The following NAV3 variants were observed in gnomAD, a reference collection of about 807,000 sequenced individuals.
NAV3 encodes pore membrane and/or filament interacting like protein 1.
NAV3 carries 87 observed loss-of-function variants against 244.7 expected under a neutral mutation model. The observed-to-expected ratio is 0.36, with a 90% CI of 0.30 to 0.42. The LOEUF (loss-of-function observed/expected upper bound fraction) is 0.42. Among genes scored for constraint, NAV3 ranks in the 20% least tolerant of loss-of-function variants. NAV3 has a pLI of 1.00. For synonymous variants in NAV3, 1,126 were observed against 1,042.2 expected (o/e 1.08, Z -1.55); for missense variants, 2,663 against 2,893.3 (o/e 0.92, Z 1.83).
chr12:77,712,320 A>G (rs769316280), intron 2 of NAV3, among the ~76,000 whole-genome samples: 2 of 152,120 alleles, frequency 1.3e-5, no homozygotes, highest in Non-Finnish European at 2.9e-5. Flanking sequence ...TATTTATTGT[A>G]TATTATTTTT....
intron 1 of NAV3, among the ~76,000 whole-genome samples, chr12:77,853,758 G>C (rs1877918508): frequency 6.6e-6 from 1 of 152,136 alleles, no homozygotes; most frequent in South Asian, 2.1e-4. Context: ...TTTATAGTCA[G>C]TTTGGCAGAC....
chr12:78,032,208 G>A (rs1444891411), intron 9 of NAV3, among the ~76,000 whole-genome samples: 2 of 152,152 alleles, frequency 1.3e-5, no homozygotes, highest in Admixed American at 1.3e-4. Flanking sequence ...GTAAAGATTT[G>A]CCATACTATT....
chr12:77,938,740 A>G (rs1167140887), intron 1 of NAV3, among the ~76,000 whole-genome samples: 2 of 152,178 alleles, frequency 1.3e-5, no homozygotes, highest in East Asian at 1.9e-4. Flanking sequence ...AACTTTAGAT[A>G]TAATAGAAAC....
chr12:77,588,280 A>AT lies in NAV3; in HGVS notation c.72+16021dup, dbSNP rs763504825. Among the ~76,000 whole-genome samples the AT allele has an allele frequency of 4.9e-5, 7 of 142,104 alleles. No individual in the cohort carries two copies. The East Asian group carries it at 7.8e-4, about 16-fold the overall frequency. 93.2% of individuals were successfully genotyped at this position (142,104 alleles called of 152,430 possible). A position where few individuals can be genotyped will look rare whatever the true frequency, so the allele number is the denominator to read the frequency against. ...AGGTGCACACCACCATATCCAGCTGATTTTTTTATTTTTTTTTTGGTAGAG... is the reference window on the plus strand; with the variant it reads ...AGGTGCACACCACCATATCCAGCTGATTTTTTTTATTTTTTTTTTGGTAGAG... On this transcript the variant is annotated intron_variant, in intron 2 of 8. Transcript: ENST00000550042.
rs1423543829 is a variant in NAV3 at position 78,050,919 on chromosome 12, A to G, written c.2288A>G (p.Tyr763Cys). The G allele has an allele frequency of 3.7e-6, 6 of 1,614,008 alleles. No homozygotes were observed. Among genetic ancestry groups the G allele is most frequent in the African/African-American group, 1.3e-5 (1 of 75,014 alleles). Residue 763 changes from tyrosine to cysteine, a missense_variant, in exon 11 of 40, where the codon TAT becomes TGT. By Grantham distance (194) the Tyr-to-Cys change is radical. Coordinates refer to ENST00000397909, the MANE Select transcript of NAV3 (RefSeq NM_001024383.2). Reference protein sequence around the residue: ...AGDAPSLGAGYPRSGTSRFIH... With the variant: ...AGDAPSLGAGCPRSGTSRFIH... ...GATGCTCCCTCCCTGGGTGCTGGCT[A>G]TCCTCGCAGTGGTACCAGTCGATTC...
intron 2 of NAV3, among the ~76,000 whole-genome samples, chr12:77,807,664 C>G (rs1426123808): frequency 6.6e-6 from 1 of 152,092 alleles, no homozygotes; most frequent in Non-Finnish European, 1.5e-5. Context: ...CTTGGTGTTG[C>G]TCTTCTTCAG....
intron 1 of NAV3, among the ~76,000 whole-genome samples, chr12:77,850,044 T>C (rs575423005): frequency 6.6e-6 from 1 of 152,306 alleles, no homozygotes; most frequent in South Asian, 2.1e-4. Flanking sequence ...CATTTATTGA[T>C]AATTATTGCT....
intron 38 of NAV3, 110 bp downstream of exon 38, chr12:78,200,701 T>C: frequency 1.9e-6 from 1 of 532,330 alleles, no homozygotes; most frequent in Non-Finnish European, 3.2e-6. Context: ...ACTAAAGGCA[T>C]GAACTATATG....
At chr12:78,040,249 A>C (rs1880626450) in intron 9 of NAV3, among the ~76,000 whole-genome samples, 1 of 152,162 alleles carries the variant, frequency 6.6e-6, no homozygotes, top group Non-Finnish European at 1.5e-5. Flanking sequence ...TCATGACATG[A>C]ATAAGGCAGC....
chr12:78,156,958 C>T (rs186137470), intron 22 of NAV3, among the ~76,000 whole-genome samples: 1 of 152,110 alleles, frequency 6.6e-6, no homozygotes, highest in Non-Finnish European at 1.5e-5. Flanking sequence ...CATTTGATTA[C>T]ACTTGGGTGG....
At chr12:77,944,180 G>C (rs1483290904) in intron 3 of NAV3, among the ~76,000 whole-genome samples, 1 of 152,148 alleles carries the variant, frequency 6.6e-6, no homozygotes, top group Non-Finnish European at 1.5e-5. Flanking sequence ...AAGGAGAGTT[G>C]TTTGAAGGGA....
intron 3 of NAV3, among the ~76,000 whole-genome samples, chr12:77,946,328 C>T (rs1042438694): frequency 2.0e-5 from 3 of 150,934 alleles, no homozygotes; most frequent in Non-Finnish European, 4.4e-5. Flanking sequence ...ATATATAATA[C>T]ATGTATATAT....
chr12:78,032,576 C>A (rs949976231), intron 9 of NAV3, among the ~76,000 whole-genome samples: 5 of 152,114 alleles, frequency 3.3e-5, no homozygotes, highest in Admixed American at 6.6e-5. Context: ...TGTATTTACC[C>A]AATCTGATGA....
At chr12:77,879,724 G>GCT (rs1882386244) in intron 1 of NAV3, among the ~76,000 whole-genome samples, 1 of 141,378 alleles carries the variant, frequency 7.1e-6, no homozygotes, top group African/African-American at 2.6e-5. Flanking sequence ...TTATTTCACA[G>GCT]CTATAAAACT....
chr12:77,598,584 A>G (rs1458696566), intron 2 of NAV3, among the ~76,000 whole-genome samples: 1 of 151,966 alleles, frequency 6.6e-6, no homozygotes, highest in African/African-American at 2.4e-5. Flanking sequence ...TTATTGAAGT[A>G]TAATTGATAT....
chr12:77,782,379 G>C (rs1870709785), intron 2 of NAV3, among the ~76,000 whole-genome samples: 1 of 147,676 alleles, frequency 6.8e-6, no homozygotes, highest in African/African-American at 2.5e-5. Context: ...TTTGATGTAG[G>C]TCTTCCATTT....
Position 77,872,901 on chromosome 12 carries a change from G to T in NAV3, c.243+41197G>T, listed in dbSNP as rs1881191902. Among the ~76,000 whole-genome samples, 3 of 152,090 alleles carry T rather than the reference G, an allele frequency of 2.0e-5. No homozygotes were observed. In the South Asian group the frequency reaches 6.2e-4, roughly 32 times the overall value. On this transcript the variant is annotated intron_variant, in intron 1 of 39. Coordinates refer to ENST00000397909, the MANE Select transcript of NAV3 (RefSeq NM_001024383.2). ...TTTTACAAACCTTTATCCCTGATAT[G>T]GTTTGGCTGTGTCCCCACCCAAATC...
intron 12 of NAV3, among the ~76,000 whole-genome samples, chr12:78,110,585 T>TA (rs1388080665): frequency 6.6e-6 from 1 of 151,582 alleles, no homozygotes; most frequent in Non-Finnish European, 1.5e-5. Flanking sequence ...TAAAAAAATG[T>TA]AAAAAAAGAA....
intron 5 of NAV3, among the ~76,000 whole-genome samples, chr12:77,991,028 TA>T (rs1358943445): frequency 6.6e-6 from 1 of 152,154 alleles, no homozygotes; most frequent in East Asian, 1.9e-4. Flanking sequence ...ATTGTTTATT[TA>T]TTTTTTTATT....
Sources: gnomAD v4.1 joint callset for allele counts (sites outside exome capture counted in the v4.1 genomes callset) on GRCh38, gnomAD v4.1.1 for gene constraint, MANE v1.5 for transcripts, NCBI Gene and HGNC (gene_info 2026-07-23, HGNC 2026-07-21) for gene names.